Variants in LIN9 observed in about 807,000 individuals in gnomAD.
LIN9 encodes lin-9 DREAM MuvB core complex component.
LIN9 carries 18 observed loss-of-function variants against 78.0 expected under a neutral mutation model. That is an observed-to-expected ratio of 0.23 (90% CI 0.16 to 0.34). The LOEUF is 0.34. Ranked by LOEUF, LIN9 falls within the 10% of genes least tolerant of loss-of-function variation. The probability of loss-of-function intolerance (pLI) is 1.00; values close to 1 mark genes in which losing one functional copy is unlikely to be tolerated. For synonymous variants in LIN9, 192 were observed against 215.2 expected, an observed-to-expected ratio of 0.89 and a Z score of 0.94; for missense variants, 451 against 644.1, an observed-to-expected ratio of 0.70 and a Z score of 3.25.
intron 4 of LIN9, among the ~76,000 whole-genome samples, chr1:226,292,520 G>C (rs1661857996): frequency 6.6e-6 from 1 of 152,142 alleles, no homozygotes. Context: ...GTAGTGGTCT[G>C]ATCATAGCTC....
intron 2 of LIN9, among the ~76,000 whole-genome samples, chr1:226,300,758 A>T (rs1662478094): frequency 6.6e-6 from 1 of 152,210 alleles, no homozygotes; most frequent in South Asian, 2.1e-4. Context: ...CAGGGGGCTG[A>T]GGCAGGAGAA....
chr1:226,272,851 T>G (rs962657110), intron 7 of LIN9, among the ~76,000 whole-genome samples: 1 of 152,170 alleles, frequency 6.6e-6, no homozygotes, highest in Non-Finnish European at 1.5e-5. Context: ...ATAAACAGTG[T>G]AGGGTCCCAG....
chr1:226,261,555 A>T (rs1365432550), intron 10 of LIN9, among the ~76,000 whole-genome samples: 2 of 152,228 alleles, frequency 1.3e-5, no homozygotes, highest in Non-Finnish European at 2.9e-5. Context: ...AAAATGAAAT[A>T]CTTAAGTATA....
chr1:226,301,336 A>G, intron 1 of LIN9, 131 bp from the exon 2 acceptor site: 1 of 605,722 alleles, frequency 1.7e-6, no homozygotes, highest in South Asian at 2.2e-5. Context: ...TGGAATGTGC[A>G]ATTCGAAATA....
Position 226,231,935 on chromosome 1 carries a change from A to G in LIN9, c.*566T>C. ...GATCTACAGAACCATGTCACATTGC[A>G]AGTATATATAACATATACTTGTAAA... is the stretch of plus-strand genomic sequence containing the variant. On this transcript the variant is annotated 3_prime_UTR_variant, in exon 15 of 15. Transcript: ENST00000681046. The G allele has an allele frequency of 2.6e-6, 1 of 387,360 alleles. No homozygotes were observed. Among genetic ancestry groups the G allele is most frequent in the Non-Finnish European group, 4.5e-6 (1 of 219,864 alleles). 24.0% of individuals were successfully genotyped at this position (387,360 alleles called of 1,614,324 possible). A position where few individuals can be genotyped will look rare whatever the true frequency, so the allele number is the denominator to read the frequency against.
chr1:226,253,248 T>C (rs1326869653), intron 10 of LIN9, among the ~76,000 whole-genome samples: 1 of 126,020 alleles, frequency 7.9e-6, no homozygotes, highest in Non-Finnish European at 1.6e-5. Flanking sequence ...GGTGACAAAG[T>C]GACTGAAACC....
In LIN9 at chr1:226,238,996, T is replaced by C. The variant is rs762174114; in HGVS notation, c.1220A>G (p.His407Arg). 4 of 1,613,822 alleles carry C rather than the reference T, an allele frequency of 2.5e-6. No individual in the cohort carries two copies. The highest frequency in any genetic ancestry group is 1.1e-5 in the South Asian group (1 of 91,058). The part of the protein sequence containing the change: ...QLNKDLNKVL[H>R]KVQQYCYELA... ...CTCATAGCAATACTGTTGAACTTTA[T>C]GCAAAACTTTGTTTAGGTCCTTGTT... Residue 407 changes from histidine (H) to arginine (R), a missense_variant, in exon 12 of 15, where the codon CAT becomes CGT. Physicochemically the swap from His to Arg is conservative, Grantham distance 29. Coordinates refer to ENST00000681046, the MANE Select transcript of LIN9 (RefSeq NM_001366245.2).
chr1:226,305,803 A>C (rs1662876476), intron 1 of LIN9, among the ~76,000 whole-genome samples: 1 of 152,198 alleles, frequency 6.6e-6, no homozygotes, highest in Non-Finnish European at 1.5e-5. Context: ...TCTTATAGCT[A>C]CTAAAGGGTT....
At chr1:226,246,643 A>T (rs1658495338) in intron 11 of LIN9, among the ~76,000 whole-genome samples, 1 of 151,516 alleles carries the variant, frequency 6.6e-6, no homozygotes, top group African/African-American at 2.4e-5. Flanking sequence ...AATACAAAAA[A>T]TTAGCTGGGT....
At chr1:226,273,255 AAT>A (rs1491482687) in intron 7 of LIN9, among the ~76,000 whole-genome samples, 17 of 109,394 alleles carry the variant, frequency 1.6e-4, no homozygotes, top group African/African-American at 6.1e-4. Context: ...TTAATTAGGT[AAT>A]TTTTTTTTTT....
chr1:226,243,562 G>A (rs1290898790), intron 11 of LIN9, among the ~76,000 whole-genome samples: 1 of 151,834 alleles, frequency 6.6e-6, no homozygotes, highest in Non-Finnish European at 1.5e-5. Context: ...TGGGCGTGGT[G>A]GTGCGTGCCT....
At chr1:226,241,787 G>A (rs1008304017) in intron 11 of LIN9, among the ~76,000 whole-genome samples, 1 of 152,088 alleles carries the variant, frequency 6.6e-6, no homozygotes, top group African/African-American at 2.4e-5. Context: ...GAACCCGCGA[G>A]GTGGAGCTTG....
chr1:226,293,582 TTTTAA>T lies in LIN9; in HGVS notation c.264+2255_264+2259del, dbSNP rs569895219. The stretch of plus-strand genomic sequence containing the variant: ...CAAACTATTATTATTTTTAAATTTA[TTTTAA>T]TTTATTTTTTGAGACAGACTCTTGT... On this transcript the variant is annotated intron_variant, in intron 4 of 14. Transcript: ENST00000681046. 3.3e-3 allele frequency among the ~76,000 whole-genome samples: 503 copies of T among 152,366 alleles called. 2 individuals carry two copies. Among genetic ancestry groups the T allele is most frequent in the African/African-American group, 0.011 (474 of 41,590 alleles).
intron 7 of LIN9, among the ~76,000 whole-genome samples, chr1:226,271,516 G>A (rs1233862701): frequency 2.6e-5 from 4 of 152,052 alleles, no homozygotes; most frequent in East Asian, 1.9e-4. Context: ...GGTATATGTC[G>A]ATAAACAAGC....
At chr1:226,285,337 TTTG>T (rs1460609339) in intron 6 of LIN9, among the ~76,000 whole-genome samples, 4 of 152,150 alleles carry the variant, frequency 2.6e-5, no homozygotes, top group Non-Finnish European at 4.4e-5. Context: ...AAATTTTAAT[TTTG>T]TTATTATAAG....
At chr1:226,283,116 G>A (rs1034384629) in intron 6 of LIN9, among the ~76,000 whole-genome samples, 4 of 151,710 alleles carry the variant, frequency 2.6e-5, no homozygotes, top group African/African-American at 9.7e-5. Flanking sequence ...TCACCCAACT[G>A]GCTAAGTTTA....
chr1:226,273,490 T>A (rs1660438989), intron 7 of LIN9, among the ~76,000 whole-genome samples: 1 of 151,882 alleles, frequency 6.6e-6, no homozygotes, highest in Non-Finnish European at 1.5e-5. Context: ...GGTGAGTGGC[T>A]TGCCTCAGCC....
intron 6 of LIN9, among the ~76,000 whole-genome samples, 181 bp from the exon 7 acceptor site, chr1:226,278,113 T>G (rs531410744): frequency 1.7e-4 from 26 of 151,520 alleles, no homozygotes; most frequent in Admixed American, 8.6e-4. Flanking sequence ...CTCCACCTCC[T>G]GGACTCAAGT....
chr1:226,288,810 T>A (rs1219742706), intron 4 of LIN9, among the ~76,000 whole-genome samples: 1 of 152,236 alleles, frequency 6.6e-6, no homozygotes, highest in Non-Finnish European at 1.5e-5. Flanking sequence ...GTAGTCTCAA[T>A]GTTACCTATA....
Sources: allele counts gnomAD v4.1 joint callset (sites outside exome capture counted in the v4.1 genomes callset), GRCh38; gene constraint gnomAD v4.1.1; transcripts MANE v1.5; gene names NCBI Gene and HGNC (gene_info 2026-07-23, HGNC 2026-07-21).